Variants in PLEKHA8 observed in about 807,000 individuals in gnomAD.
PLEKHA8 encodes pleckstrin homology domain containing A8, also known as pleckstrin homology domain-containing family A member 8.
A neutral mutation model predicts 68.2 loss-of-function variants in PLEKHA8; 36 were observed. The observed-to-expected ratio is 0.53, with a 90% CI of 0.40 to 0.70. PLEKHA8 has a LOEUF of 0.70. Among genes scored for constraint, PLEKHA8 ranks in the 30% least tolerant of loss-of-function variants. The probability of loss-of-function intolerance (pLI) is 0.00; values close to 1 mark genes in which losing one functional copy is unlikely to be tolerated. For synonymous variants in PLEKHA8, 211 were observed against 216.1 expected, an observed-to-expected ratio of 0.98 and a Z score of 0.20; for missense variants, 505 against 615.4, an observed-to-expected ratio of 0.82 and a Z score of 1.90.
chr7:30,070,670 C>G (rs887911625), intron 12 of PLEKHA8, among the ~76,000 whole-genome samples: 1 of 151,782 alleles, frequency 6.6e-6, no homozygotes, highest in Non-Finnish European at 1.5e-5. Context: ...CTCAGTCTCC[C>G]GAGTAGCTGG....
intron 13 of PLEKHA8, among the ~76,000 whole-genome samples, chr7:30,119,374 A>G (rs1266949133): frequency 6.6e-6 from 1 of 152,216 alleles, no homozygotes; most frequent in Non-Finnish European, 1.5e-5. Context: ...TCTCATAGCT[A>G]GTACATGAAA....
At position 30,080,377 on chromosome 7, in the gene PLEKHA8, C is replaced by T; in HGVS notation, c.*1590C>T. On this transcript the variant is annotated 3_prime_UTR_variant, in exon 14 of 14. Coordinates refer to ENST00000449726, the MANE Select transcript of PLEKHA8 (RefSeq NM_001197026.2). Reference sequence around the variant, plus strand: ...CCTTCTAGTAACAGGAAGGGAAGTTCCAGCATGAGGTAGTTATCCAGGGTA... The same window carrying T: ...CCTTCTAGTAACAGGAAGGGAAGTTTCAGCATGAGGTAGTTATCCAGGGTA... 1 of 985,160 alleles carries T rather than the reference C, an allele frequency of 1.0e-6. No individual in the cohort carries two copies. Among genetic ancestry groups the T allele is most frequent in the Non-Finnish European group, 1.2e-6 (1 of 829,878 alleles). The allele number at this position is 985,160 out of a possible 1,614,324, so 61.0% of individuals were successfully genotyped here.
chr7:30,117,975 C>T (rs972298799), intron 13 of PLEKHA8: 23 of 1,531,082 alleles, frequency 1.5e-5, no homozygotes, highest in African/African-American at 1.2e-4. Flanking sequence ...AACAGGGACA[C>T]ACAAATGTCT....
At chr7:30,086,410 G>C (rs1005970963), downstream of PLEKHA8, among the ~76,000 whole-genome samples, 1 of 152,224 alleles carries the variant, frequency 6.6e-6, no homozygotes, top group Admixed American at 6.5e-5. Context: ...TCAGATGGGA[G>C]GTATATGAAG....
rs369481711 is a variant in PLEKHA8, at chr7:30,070,768, G to A, written c.1301-3303G>A. 4.6e-4 allele frequency among the ~76,000 whole-genome samples: 70 copies of A among 152,132 alleles called. 1 individual carries two copies. Among genetic ancestry groups the A allele is most frequent in the African/African-American group, 1.5e-3 (64 of 41,524 alleles). On this transcript the variant is annotated intron_variant, in intron 12 of 13. Coordinates refer to ENST00000449726, the MANE Select transcript of PLEKHA8 (RefSeq NM_001197026.2). ...ACCGTCTTGTCCAGGCTGGTCTTGA[G>A]CTCCCAACCTTGTGATCCACCCGCC...
intron 1 of PLEKHA8, among the ~76,000 whole-genome samples, chr7:30,042,518 C>T (rs1227106568): frequency 6.6e-6 from 1 of 152,170 alleles, no homozygotes; most frequent in Non-Finnish European, 1.5e-5. Flanking sequence ...CACCAGCCAG[C>T]GTCATGGGAG....
intron 13 of PLEKHA8, among the ~76,000 whole-genome samples, chr7:30,099,706 A>G (rs1795778505): frequency 6.6e-6 from 1 of 152,254 alleles, no homozygotes; most frequent in Non-Finnish European, 1.5e-5. Context: ...AAACAAATTT[A>G]TAATCATTGA....
intron 12 of PLEKHA8, among the ~76,000 whole-genome samples, chr7:30,067,222 C>A (rs372938611): frequency 6.6e-6 from 1 of 152,192 alleles, no homozygotes; most frequent in Non-Finnish European, 1.5e-5. Context: ...CATGCCAAAG[C>A]GCTTTGGGAG....
chr7:30,084,154 T>C lies in PLEKHA8; in HGVS notation c.*5367T>C, dbSNP rs1795081439. ...AATCTGGTTAATAGACTTAACAAAT[T>C]AATGTCTACATAAAGAAGAAACATG... On this transcript the variant is annotated 3_prime_UTR_variant, in exon 14 of 14. Coordinates refer to ENST00000449726, the MANE Select transcript of PLEKHA8 (RefSeq NM_001197026.2). 1.0e-6 allele frequency: 1 copy of C among 985,118 alleles called. No individual in the cohort carries two copies. Among genetic ancestry groups the C allele is most frequent in the Admixed American group, 6.2e-5 (1 of 16,256 alleles). 61.0% of individuals were successfully genotyped at this position (985,118 alleles called of 1,614,324 possible). A position where few individuals can be genotyped will look rare whatever the true frequency, so the allele number is the denominator to read the frequency against.
At chr7:30,049,176 T>C (rs972269626) in intron 4 of PLEKHA8, 48 bp from the exon 5 acceptor site, 1 of 1,611,334 alleles carries the variant, frequency 6.2e-7, no homozygotes, top group African/African-American at 1.3e-5. Context: ...ATTGGGCTTT[T>C]TCTTTTTTGG....
At chr7:30,128,091 A>ATTTTTTTTTTTTTTTT (rs35173428) in intron 13 of PLEKHA8, among the ~76,000 whole-genome samples, 2 of 122,720 alleles carry the variant, frequency 1.6e-5, no homozygotes, top group African/African-American at 3.1e-5. Context: ...GTTTTACTGT[A>ATTTTTTTTTTTTTTTT]TTTTTTTTTT....
chr7:30,049,704 G>A (rs1465965412), intron 5 of PLEKHA8, among the ~76,000 whole-genome samples: 1 of 152,104 alleles, frequency 6.6e-6, no homozygotes, highest in African/African-American at 2.4e-5. Context: ...TTCTATTAAT[G>A]CAGTATAAAT....
In PLEKHA8 at chr7:30,080,920, G is replaced by C; in HGVS notation, c.*2133G>C. 3.0e-6 allele frequency: 3 copies of C among 985,364 alleles called. No individual in the cohort carries two copies. The highest frequency in any genetic ancestry group is 2.4e-6 in the Non-Finnish European group (2 of 829,916). The allele number at this position is 985,364 out of a possible 1,614,324, so 61.0% of individuals were successfully genotyped here. A position where few individuals can be genotyped will look rare whatever the true frequency, so the allele number is the denominator to read the frequency against. On this transcript the variant is annotated 3_prime_UTR_variant, in exon 14 of 14. Coordinates refer to ENST00000449726, the MANE Select transcript of PLEKHA8 (RefSeq NM_001197026.2). ...TACCATTTAGCGGGGATGATACCAG[G>C]TGGTTGTTAGAATTGTGCAGTGTGA... is the stretch of plus-strand genomic sequence containing the variant.
At chr7:30,042,893 A>T (rs1475021958) in intron 1 of PLEKHA8, among the ~76,000 whole-genome samples, 2 of 152,224 alleles carry the variant, frequency 1.3e-5, no homozygotes, top group Non-Finnish European at 2.9e-5. Flanking sequence ...GCCCAACAAG[A>T]TACAGTCTGA....
chr7:30,116,875 G>A (rs1796585150), intron 13 of PLEKHA8, among the ~76,000 whole-genome samples: 1 of 152,152 alleles, frequency 6.6e-6, no homozygotes, highest in South Asian at 2.1e-4. Flanking sequence ...CTCTCCACAG[G>A]CCAGTGTATA....
Position 30,047,972 on chromosome 7 carries a change from TTAA to T in PLEKHA8, c.438+19_438+21del, listed in dbSNP as rs1792091684. The T allele has an allele frequency of 2.4e-6, 3 of 1,238,366 alleles. No individual in the cohort carries two copies. Among genetic ancestry groups the T allele is most frequent in the Non-Finnish European group, 3.1e-6 (3 of 953,562 alleles). 76.7% of individuals were successfully genotyped at this position (1,238,366 alleles called of 1,614,324 possible). A position where few individuals can be genotyped will look rare whatever the true frequency, so the allele number is the denominator to read the frequency against. On this transcript the variant is annotated intron_variant, in intron 4 of 13. Coordinates refer to ENST00000449726, the MANE Select transcript of PLEKHA8 (RefSeq NM_001197026.2). ...CAATTCTGAGGTAAAATATTATTTA[TTAA>T]TATTATTAATATACATGAATAATAT... is the stretch of plus-strand genomic sequence containing the variant.
Position 30,082,870 on chromosome 7 carries a change from C to T in PLEKHA8, c.*4083C>T. ...ATGATGCGAGGCATTTGGGGAGCTTCCTGGAGGAAAATTAAGTTTTTTTCC... is the reference window on the plus strand; with the variant it reads ...ATGATGCGAGGCATTTGGGGAGCTTTCTGGAGGAAAATTAAGTTTTTTTCC... On this transcript the variant is annotated 3_prime_UTR_variant, in exon 14 of 14. Transcript: ENST00000449726. 1 of 985,164 alleles carries T rather than the reference C, an allele frequency of 1.0e-6. No homozygotes were observed. Among genetic ancestry groups the T allele is most frequent in the South Asian group, 4.7e-5 (1 of 21,272 alleles). 61.0% of individuals were successfully genotyped at this position (985,164 alleles called of 1,614,324 possible).
intron 13 of PLEKHA8, among the ~76,000 whole-genome samples, chr7:30,114,854 T>C (rs1219570703): frequency 6.6e-6 from 1 of 152,176 alleles, no homozygotes; most frequent in Non-Finnish European, 1.5e-5. Context: ...TCCTGGACCA[T>C]CTGCAAATTT....
chr7:30,098,489 C>T (rs369736885), intron 13 of PLEKHA8, among the ~76,000 whole-genome samples: 2,155 of 152,356 alleles, frequency 0.014, 23 homozygotes, highest in Middle Eastern at 0.031. Context: ...TCGAGCTTCC[C>T]GGCTGCTTTG....
Sources: gnomAD v4.1 joint callset for allele counts (sites outside exome capture counted in the v4.1 genomes callset) on GRCh38, gnomAD v4.1.1 for gene constraint, MANE v1.5 for transcripts, NCBI Gene and HGNC (gene_info 2026-07-23, HGNC 2026-07-21) for gene names.